VPS53: variants seen among roughly 807,000 people sequenced by gnomAD.
The protein encoded by VPS53 is VPS53 subunit of GARP complex.
In VPS53, 70 loss-of-function variants were observed where a neutral mutation model predicts 107.0. That is an observed-to-expected ratio of 0.65 (90% confidence interval 0.54 to 0.80). The LOEUF is 0.80. Among genes scored for constraint, VPS53 ranks in the 30% least tolerant of loss-of-function variants. The probability of loss-of-function intolerance (pLI) is 0.00; values close to 1 mark genes in which losing one functional copy is unlikely to be tolerated. For missense variants in VPS53, 917 were observed against 1,049.4 expected (o/e 0.87, Z 1.74); for synonymous variants, 409 against 393.3 (o/e 1.04, Z -0.47).
At chr17:621,308 C>T (rs1969458444) in intron 11 of VPS53, among the ~76,000 whole-genome samples, 1 of 152,230 alleles carries the variant, frequency 6.6e-6, no homozygotes, top group South Asian at 2.1e-4. Flanking sequence ...AGTATGGATG[C>T]ACTGTAATTT....
chr17:557,041 CG>C (rs1170033789), intron 15 of VPS53, among the ~76,000 whole-genome samples: 2 of 151,362 alleles, frequency 1.3e-5, no homozygotes, highest in African/African-American at 4.9e-5. Flanking sequence ...TTAGTAGAGA[CG>C]GGGTTTTGCC....
intron 7 of VPS53, among the ~76,000 whole-genome samples, chr17:643,637 T>C (rs1970550663): frequency 6.6e-6 from 1 of 150,774 alleles, no homozygotes; most frequent in Admixed American, 6.6e-5. Flanking sequence ...AGGACAACAC[T>C]CATACTTGGA....
intron 12 of VPS53, 134 bp downstream of exon 12, chr17:601,660 GC>G: frequency 1.6e-6 from 1 of 607,104 alleles, no homozygotes; most frequent in Non-Finnish European, 2.9e-6. Flanking sequence ...TCAGATAAAG[GC>G]CTTCTGTAAA....
At position 627,296 on chromosome 17, in the gene VPS53, G is replaced by A. The variant is rs368549321; in HGVS notation, c.852C>T (p.Ile284=). Residue 284 remains isoleucine (I), a synonymous_variant, in exon 10 of 22, where the codon ATC becomes ATT. Coordinates refer to ENST00000437048, the MANE Select transcript of VPS53 (RefSeq NM_001128159.3). ...GTTTTATCCAGGCATAGCGTCTGTC[G>A]ATTTTGTCCAGCCAGGCAACCTGGT... ...ENQDVAWLDK[I]DRRYAWIKRQ... The A allele has an allele frequency of 2.5e-5, 41 of 1,613,386 alleles. No individual in the cohort carries two copies. The Admixed American group carries it at 3.0e-4, about 12-fold the overall frequency.
At chr17:700,536 A>G (rs1351724187) in intron 2 of VPS53, among the ~76,000 whole-genome samples, 1 of 152,082 alleles carries the variant, frequency 6.6e-6, no homozygotes, top group African/African-American at 2.4e-5. Context: ...GGGCAACAAG[A>G]GCAAAACTCT....
At chr17:648,694 T>G (rs1970802492) in intron 7 of VPS53, among the ~76,000 whole-genome samples, 1 of 151,022 alleles carries the variant, frequency 6.6e-6, no homozygotes, top group Non-Finnish European at 1.5e-5. Context: ...GCACTGAAGA[T>G]CTTACACTGG....
intron 12 of VPS53, among the ~76,000 whole-genome samples, chr17:595,993 A>G (rs950240010): frequency 6.6e-6 from 1 of 152,060 alleles, no homozygotes; most frequent in South Asian, 2.1e-4. Context: ...GGAGATGGGA[A>G]GGGGTCTGGA....
In VPS53 at chr17:627,270, C is replaced by T. The variant is rs749809497; in HGVS notation, c.878G>A (p.Arg293His). 11 of 1,613,958 alleles carry T rather than the reference C, an allele frequency of 6.8e-6. No homozygotes were observed. The Admixed American group carries it at 1.0e-4, about 15-fold the overall frequency. ...KIDRRYAWIK[R>H]QLVDYEEKYG... ...TTTCTCCTCATAGTCCACAAGCTGG[C>T]GTTTTATCCAGGCATAGCGTCTGTC... Residue 293 changes from arginine to histidine, a missense_variant, in exon 10 of 22, where the codon CGC (arginine) becomes CAC (histidine). Physicochemically the swap from Arg to His is conservative, Grantham distance 29 (BLOSUM62 0). Transcript: ENST00000437048.
chr17:659,291 T>TTTA (rs1487683518), intron 5 of VPS53, among the ~76,000 whole-genome samples: 30 of 152,130 alleles, frequency 2.0e-4, no homozygotes, highest in Admixed American at 6.5e-4. Context: ...TTATTTATTT[T>TTTA]TTTATTTTTT....
chr17:558,549 G>A (rs1245252655), intron 15 of VPS53, among the ~76,000 whole-genome samples: 1 of 152,192 alleles, frequency 6.6e-6, no homozygotes, highest in African/African-American at 2.4e-5. Context: ...CAGGAGAATG[G>A]CGAGAACCCG....
intron 4 of VPS53, among the ~76,000 whole-genome samples, chr17:688,887 A>G (rs1173125502): frequency 6.6e-6 from 1 of 152,214 alleles, no homozygotes; most frequent in African/African-American, 2.4e-5. Flanking sequence ...AACCTCAGCA[A>G]TTCCTGAAGT....
intron 7 of VPS53, among the ~76,000 whole-genome samples, chr17:645,451 G>A (rs1970647200): frequency 1.3e-5 from 2 of 152,072 alleles, no homozygotes; most frequent in African/African-American, 4.8e-5. Flanking sequence ...CCCATTCTGT[G>A]CATTGCCATT....
Position 602,010 on chromosome 17 carries a change from A to G in VPS53, c.1117-114T>C, listed in dbSNP as rs4968092. 665,282 of 705,354 alleles carry G rather than the reference A, an allele frequency of 0.94. 313,472 individuals are homozygous for G. The highest frequency in any genetic ancestry group is 0.96 in the Non-Finnish European group (448,617 of 468,060). The allele number at this position is 705,354 out of a possible 1,614,324, so 43.7% of individuals were successfully genotyped here. On this transcript the variant is annotated intron_variant, in intron 11 of 21. Coordinates refer to ENST00000437048, the MANE Select transcript of VPS53 (RefSeq NM_001128159.3). ...AAGGAAGTCATGCACGCTATCTGAT[A>G]AAGAAGAACTGAGGCAACCCAGACC...
intron 13 of VPS53, among the ~76,000 whole-genome samples, chr17:569,356 C>T (rs1469016383): frequency 1.3e-5 from 2 of 152,180 alleles, no homozygotes; most frequent in African/African-American, 2.4e-5. Flanking sequence ...GTTTTGACAA[C>T]TCTGCTGTGG....
intron 11 of VPS53, among the ~76,000 whole-genome samples, chr17:607,560 T>G (rs1567671016): frequency 6.6e-6 from 1 of 152,230 alleles, no homozygotes; most frequent in Non-Finnish European, 1.5e-5. Flanking sequence ...ATCACGCTTC[T>G]CAGGCTTGCT....
chr17:707,679 T>C (rs1356572897), intron 2 of VPS53, among the ~76,000 whole-genome samples: 5 of 151,574 alleles, frequency 3.3e-5, no homozygotes, highest in African/African-American at 1.2e-4. Context: ...TGAGATCTCG[T>C]CTCTACTAAA....
chr17:606,487 A>G (rs1190275437), intron 11 of VPS53, among the ~76,000 whole-genome samples: 1 of 152,048 alleles, frequency 6.6e-6, no homozygotes, highest in African/African-American at 2.4e-5. Flanking sequence ...TGCCATGAGG[A>G]TGGGATGATG....
chr17:527,308 T>C (rs1304060782), intron 19 of VPS53, among the ~76,000 whole-genome samples: 1 of 152,206 alleles, frequency 6.6e-6, no homozygotes, highest in African/African-American at 2.4e-5. Context: ...TCACTGTAGC[T>C]AGTTGCCTGC....
In VPS53 at chr17:578,901, C is replaced by CTTT. The variant is rs558450371; in HGVS notation, c.1313+7368_1313+7369insAAA. Among the ~76,000 whole-genome samples, 553 of 149,628 alleles carry CTTT rather than the reference C, an allele frequency of 3.7e-3. 2 individuals are homozygous for CTTT. Among genetic ancestry groups the CTTT allele is most frequent in the Non-Finnish European group, 6.0e-3 (408 of 67,538 alleles). The stretch of plus-strand genomic sequence containing the variant: ...TAATGCGTTCCCAGAGAACCTCCCT[C>CTTT]AGAATGGAATGCGTTTGTAGAGAAC... On this transcript the variant is annotated intron_variant, in intron 13 of 21. Coordinates refer to ENST00000437048, the MANE Select transcript of VPS53 (RefSeq NM_001128159.3).
Sources: allele counts gnomAD v4.1 joint callset (sites outside exome capture counted in the v4.1 genomes callset), GRCh38; gene constraint gnomAD v4.1.1; transcripts MANE v1.5; gene names NCBI Gene and HGNC (gene_info 2026-07-23, HGNC 2026-07-21).